NALCN: variants seen among roughly 807,000 people sequenced by gnomAD.
NALCN encodes the protein sodium leak channel NALCN.
A neutral mutation model predicts 225.3 loss-of-function variants in NALCN; 111 were observed. That is an observed-to-expected ratio of 0.49 (90% confidence interval 0.42 to 0.58). NALCN has a LOEUF of 0.58. Ranked by LOEUF, NALCN falls within the 20% of genes least tolerant of loss-of-function variation. NALCN has a pLI of 0.00. For missense variants in NALCN, 1,378 were observed against 2,202.4 expected, an observed-to-expected ratio of 0.63 and a Z score of 7.49; for synonymous variants, 764 against 769.0, an observed-to-expected ratio of 0.99 and a Z score of 0.11.
chr13:101,372,749 T>C (rs1363935855), intron 6 of NALCN, among the ~76,000 whole-genome samples: 2 of 151,976 alleles, frequency 1.3e-5, no homozygotes, highest in South Asian at 4.1e-4. Flanking sequence ...ATTAGAAAAA[T>C]GTTAAAAGAT....
chr13:101,111,347 C>T (rs2035426388), intron 18 of NALCN, 121 bp from the exon 19 acceptor site: 3 of 713,250 alleles, frequency 4.2e-6, no homozygotes, highest in Non-Finnish European at 6.5e-6. Context: ...CAAAATACAG[C>T]AAATAACGTA....
intron 2 of NALCN, among the ~76,000 whole-genome samples, chr13:101,397,277 C>G (rs1385773535): frequency 6.7e-6 from 1 of 149,794 alleles, no homozygotes; most frequent in East Asian, 2.0e-4. Flanking sequence ...CATGCAGATC[C>G]TGCATGTATC....
intron 6 of NALCN, among the ~76,000 whole-genome samples, chr13:101,365,284 G>C (rs922098125): frequency 2.6e-5 from 4 of 152,120 alleles, no homozygotes; most frequent in Non-Finnish European, 4.4e-5. Context: ...ATTCATAAGT[G>C]AGAACAAGCG....
intron 11 of NALCN, among the ~76,000 whole-genome samples, chr13:101,240,304 T>C (rs931969190): frequency 1.1e-4 from 17 of 152,146 alleles, no homozygotes; most frequent in African/African-American, 3.6e-4. Flanking sequence ...TAATAAGTTT[T>C]TTCCATATAA....
chr13:101,293,516 T>C (rs1416177495), intron 7 of NALCN, among the ~76,000 whole-genome samples: 1 of 152,230 alleles, frequency 6.6e-6, no homozygotes, highest in African/African-American at 2.4e-5. Context: ...TAAATAAGTT[T>C]TATTATTACA....
intron 15 of NALCN, among the ~76,000 whole-genome samples, chr13:101,150,015 CACTA>C (rs1201905481): frequency 6.6e-6 from 1 of 152,212 alleles, no homozygotes; most frequent in Non-Finnish European, 1.5e-5. Flanking sequence ...TCCAAATGCC[CACTA>C]GCAGTTGAGT....
chr13:101,150,111 A>C (rs1421259786), intron 15 of NALCN, among the ~76,000 whole-genome samples: 1 of 151,790 alleles, frequency 6.6e-6, no homozygotes, highest in Non-Finnish European at 1.5e-5. Flanking sequence ...TCACAACATA[A>C]CATTGAGTGA....
chr13:101,348,994 T>C (rs1259523861), intron 6 of NALCN, among the ~76,000 whole-genome samples: 1 of 152,200 alleles, frequency 6.6e-6, no homozygotes, highest in East Asian at 1.9e-4. Flanking sequence ...ATTTCCGTAG[T>C]CATTTTCCCT....
At chr13:101,252,230 C>T (rs530044971) in intron 11 of NALCN, among the ~76,000 whole-genome samples, 3 of 152,166 alleles carry the variant, frequency 2.0e-5, no homozygotes, top group African/African-American at 7.2e-5. Flanking sequence ...TCACCAAGCA[C>T]AACTGCCATG....
chr13:101,279,933 C>T (rs1175838348), intron 10 of NALCN, among the ~76,000 whole-genome samples: 1 of 151,556 alleles, frequency 6.6e-6, no homozygotes, highest in African/African-American at 2.4e-5. Context: ...CATGGTAGTC[C>T]AAGCCAGGGA....
intron 11 of NALCN, among the ~76,000 whole-genome samples, chr13:101,248,043 C>T (rs370579665): frequency 6.6e-6 from 1 of 152,304 alleles, no homozygotes; most frequent in African/African-American, 2.4e-5. Context: ...ATACGTACCA[C>T]ATTTTCTTTA....
At position 101,278,944 on chromosome 13, in the gene NALCN, A is replaced by C. The variant is rs1447238791; in HGVS notation, c.1134+4989T>G. On this transcript the variant is annotated intron_variant, in intron 10 of 43. Transcript: ENST00000251127. The stretch of plus-strand genomic sequence containing the variant: ...GCAGCTTCTAAGCGAGAGGTCAAAT[A>C]AGTACTTTCATAAGCCAAGAAGGTA... Among the ~76,000 whole-genome samples, 3 of 152,144 alleles carry C rather than the reference A, an allele frequency of 2.0e-5. No homozygotes were observed. In the East Asian group the frequency reaches 5.8e-4, roughly 29 times the overall value.
In NALCN at chr13:101,237,918, G is replaced by T; in HGVS notation, c.1271C>A (p.Ala424Asp). Residue 424 changes from alanine (A) to aspartate (D), a missense_variant, in exon 12 of 44, where the codon GCT becomes GAT. Ala to Asp is a moderately radical substitution (Grantham distance 126). Transcript: ENST00000251127. ...QYDEFYLAEV[A>D]FTVLFDLEAL... is the part of the protein sequence containing the mutation. ...TTCCAAATCAAAAAGTACTGTAAAA[G>T]CCACCTAGAGAAACAAAGAAACATT... The T allele has an allele frequency of 6.3e-7, 1 of 1,596,042 alleles. No individual in the cohort carries two copies. The highest frequency in any genetic ancestry group is 8.5e-7 in the Non-Finnish European group (1 of 1,173,400).
intron 1 of NALCN, among the ~76,000 whole-genome samples, chr13:101,409,325 T>C (rs1203636051): frequency 6.6e-6 from 1 of 152,202 alleles, no homozygotes; most frequent in Admixed American, 6.5e-5. Flanking sequence ...ACACGAGAAC[T>C]GTCTTAACAG....
At chr13:101,298,956 T>C (rs1239720150) in intron 7 of NALCN, among the ~76,000 whole-genome samples, 1 of 152,250 alleles carries the variant, frequency 6.6e-6, no homozygotes, top group Non-Finnish European at 1.5e-5. Flanking sequence ...GTCTAGCATA[T>C]AATTTATATT....
intron 14 of NALCN, among the ~76,000 whole-genome samples, chr13:101,188,556 A>G (rs2039541340): frequency 6.6e-6 from 1 of 151,930 alleles, no homozygotes; most frequent in African/African-American, 2.4e-5. Flanking sequence ...CTATATGTAT[A>G]CATATATATA....
At chr13:101,411,569 C>CA (rs2047788297) in intron 1 of NALCN, among the ~76,000 whole-genome samples, 1 of 152,030 alleles carries the variant, frequency 6.6e-6, no homozygotes, top group Non-Finnish European at 1.5e-5. Flanking sequence ...ACGCTGGTCT[C>CA]AAACTCCTGA....
intron 13 of NALCN, among the ~76,000 whole-genome samples, chr13:101,221,122 A>C (rs1007544127): frequency 6.6e-6 from 1 of 151,740 alleles, no homozygotes; most frequent in African/African-American, 2.4e-5. Flanking sequence ...AAAATTTAAA[A>C]ATTTCTGAAA....
At chr13:101,194,104 T>A (rs770943003) in intron 13 of NALCN, among the ~76,000 whole-genome samples, 1 of 152,208 alleles carries the variant, frequency 6.6e-6, no homozygotes, top group Admixed American at 6.5e-5. Flanking sequence ...AACCAGCTGA[T>A]GTTTTCTCAT....
Sources: gnomAD v4.1 joint callset for allele counts (sites outside exome capture counted in the v4.1 genomes callset) on GRCh38, gnomAD v4.1.1 for gene constraint, MANE v1.5 for transcripts, NCBI Gene and HGNC (gene_info 2026-07-23, HGNC 2026-07-21) for gene names.